C10orf53: variants seen among roughly 807,000 people sequenced by gnomAD.
The protein encoded by C10orf53 is UPF0728 protein C10orf53.
Under a neutral mutation model 9.4 loss-of-function variants are expected in C10orf53, and 8 were observed. That is an observed-to-expected ratio of 0.85 (90% confidence interval 0.50 to 1.53). The LOEUF is 1.53. Among genes scored for constraint, C10orf53 ranks in the 40% most tolerant of loss-of-function variants. The probability of loss-of-function intolerance (pLI) is 0.00; values close to 1 mark genes in which losing one functional copy is unlikely to be tolerated. For synonymous variants in C10orf53, 48 were observed against 46.0 expected, an observed-to-expected ratio of 1.04 and a Z score of -0.18; for missense variants, 117 against 117.8, an observed-to-expected ratio of 0.99 and a Z score of 0.03.
Position 49,679,721 on chromosome 10 carries a change from C to A in C10orf53, c.24C>A (p.Ile8=). MPKNAVV[I]LRYGPYSAAG... Reference sequence around the variant, plus strand: ...CGATGCCCAAGAACGCAGTGGTCATCCTGCGCTATGGGCCCTACAGCGCGG... The same window carrying A: ...CGATGCCCAAGAACGCAGTGGTCATACTGCGCTATGGGCCCTACAGCGCGG... The change falls in exon 1 of 3, where the codon ATC becomes ATA. Residue 8 remains isoleucine (I), a synonymous_variant. Coordinates refer to ENST00000374111, the MANE Select transcript of C10orf53 (RefSeq NM_001042427.3). 1 of 1,548,562 alleles carries A rather than the reference C, an allele frequency of 6.5e-7. No homozygotes were observed. The highest frequency in any genetic ancestry group is 8.7e-7 in the Non-Finnish European group (1 of 1,146,094).
At chr10:49,698,546 C>T (rs1202644935), downstream of C10orf53, among the ~76,000 whole-genome samples, 1 of 152,186 alleles carries the variant, frequency 6.6e-6, no homozygotes, top group Non-Finnish European at 1.5e-5. Flanking sequence ...GAGAACATCT[C>T]AACTGGTGAC....
intron 2 of C10orf53, among the ~76,000 whole-genome samples, chr10:49,706,311 T>C (rs1310515163): frequency 2.0e-5 from 3 of 152,226 alleles, no homozygotes; most frequent in Non-Finnish European, 4.4e-5. Context: ...CATTTATTGA[T>C]AGTAGCCGAA....
At position 49,696,220 on chromosome 10, in the gene C10orf53, T is replaced by C. The variant is rs1840633712; in HGVS notation, c.*1618T>C. 1.3e-5 allele frequency among the ~76,000 whole-genome samples: 2 copies of C among 152,222 alleles called. No individual in the cohort carries two copies. The highest frequency in any genetic ancestry group is 2.1e-4 in the South Asian group (1 of 4,830). ...TGGGCAGGTATGTTGAATCTTTTTTTAAACGTAACATTTTACATAGAGCCT... is the reference window on the plus strand; with the variant it reads ...TGGGCAGGTATGTTGAATCTTTTTTCAAACGTAACATTTTACATAGAGCCT... On this transcript the variant is annotated 3_prime_UTR_variant, in exon 3 of 3. Coordinates refer to ENST00000374111, the MANE Select transcript of C10orf53 (RefSeq NM_001042427.3).
At chr10:49,680,302 G>A (rs1326906221) in intron 1 of C10orf53, among the ~76,000 whole-genome samples, 1 of 152,218 alleles carries the variant, frequency 6.6e-6, no homozygotes, top group Non-Finnish European at 1.5e-5. Flanking sequence ...CTCTGACTGA[G>A]GCTAGGTGGT....
At chr10:49,690,150 G>A (rs1177031461) in intron 1 of C10orf53, among the ~76,000 whole-genome samples, 1 of 152,168 alleles carries the variant, frequency 6.6e-6, no homozygotes, top group East Asian at 1.9e-4. Context: ...ATAGGGGAAG[G>A]GAAGAGTATT....
chr10:49,683,439 A>G (rs970224153), intron 1 of C10orf53, among the ~76,000 whole-genome samples: 5 of 152,184 alleles, frequency 3.3e-5, no homozygotes, highest in Admixed American at 3.3e-4. Flanking sequence ...TTAATAGATA[A>G]ATGATTTGCA....
chr10:49,708,718 CA>C (rs759303276), exon 3 of C10orf53: 2 of 1,511,368 alleles, frequency 1.3e-6, no homozygotes, highest in Non-Finnish European at 1.8e-6. Flanking sequence ...TCCCCCAAAA[CA>C]AAAATTGTCC....
At chr10:49,687,684 C>T (rs747994119) in intron 1 of C10orf53, among the ~76,000 whole-genome samples, 32 of 152,198 alleles carry the variant, frequency 2.1e-4, no homozygotes, top group Non-Finnish European at 3.4e-4. Context: ...GCTCTGCAAG[C>T]GTTAGTTCTT....
chr10:49,690,248 T>C (rs1840570891), intron 1 of C10orf53, among the ~76,000 whole-genome samples: 1 of 152,152 alleles, frequency 6.6e-6, no homozygotes, highest in Non-Finnish European at 1.5e-5. Flanking sequence ...GTAAAGTCAG[T>C]TCTGTGTTTC....
rs1165712985 is a variant in C10orf53 at position 49,697,009 on chromosome 10, A to G, written c.*2407A>G. Among the ~76,000 whole-genome samples the G allele has an allele frequency of 6.6e-6, 1 of 152,270 alleles. No individual in the cohort carries two copies. Among genetic ancestry groups the G allele is most frequent in the South Asian group, 2.1e-4 (1 of 4,814 alleles). On this transcript the variant is annotated 3_prime_UTR_variant, in exon 3 of 3. Transcript: ENST00000374111. ...GGAGTTCGAGAGCAGCCTGGCCAAC[A>G]TGGTGAAGCCTCATCTCTACAAAAA...
At chr10:49,689,671 A>G (rs1840563234) in intron 1 of C10orf53, among the ~76,000 whole-genome samples, 1 of 152,174 alleles carries the variant, frequency 6.6e-6, no homozygotes, top group African/African-American at 2.4e-5. Flanking sequence ...AATCCTACAC[A>G]GCGCTGAAGA....
rs917790072 is a variant in C10orf53, at chr10:49,679,684, G to GC, written c.-13dup. On this transcript the variant is annotated 5_prime_UTR_variant, in exon 1 of 3. Transcript: ENST00000374111. ...GTGTTTCTCCCTTGCCTCTGCGGCGGCGGAGGCCTGGCGATGCCCAAGAAC... is the reference window on the plus strand; with the variant it reads ...GTGTTTCTCCCTTGCCTCTGCGGCGGCCGGAGGCCTGGCGATGCCCAAGAAC... 1.4e-5 allele frequency: 22 copies of GC among 1,545,260 alleles called. No individual in the cohort carries two copies. The highest frequency in any genetic ancestry group is 1.9e-5 in the Non-Finnish European group (22 of 1,144,758).
intron 1 of C10orf53, among the ~76,000 whole-genome samples, chr10:49,689,110 C>T (rs945197174): frequency 1.3e-5 from 2 of 152,092 alleles, no homozygotes; most frequent in Admixed American, 6.5e-5. Context: ...AATCAACCTG[C>T]GTAAAGCCGA....
chr10:49,706,319 G>A (rs928891677), intron 2 of C10orf53, among the ~76,000 whole-genome samples: 23 of 152,328 alleles, frequency 1.5e-4, no homozygotes, highest in South Asian at 4.1e-4. Flanking sequence ...GATAGTAGCC[G>A]AAGTTGGAAA....
At chr10:49,692,277 T>C (rs1192221732) in intron 1 of C10orf53, among the ~76,000 whole-genome samples, 2 of 152,234 alleles carry the variant, frequency 1.3e-5, no homozygotes, top group Non-Finnish European at 2.9e-5. Context: ...TTAGCTGACA[T>C]GGGTCAATTA....
intron 1 of C10orf53, 135 bp from the exon 2 acceptor site, chr10:49,693,639 C>A: frequency 9.0e-7 from 1 of 1,106,074 alleles, no homozygotes. Context: ...CCAGAAAGTG[C>A]CTACCAGGGC....
chr10:49,707,835 C>T (rs1475539939), intron 2 of C10orf53, among the ~76,000 whole-genome samples: 1 of 151,538 alleles, frequency 6.6e-6, no homozygotes. Flanking sequence ...GAAAATGCTT[C>T]TGAGGCATCT....
chr10:49,695,116 T>C lies in C10orf53; in HGVS notation c.*514T>C. ...TATTTCTGACTCCTGAGGGAATAAA[T>C]ATTTTAAATTGCTATTATAAAATTA... On this transcript the variant is annotated 3_prime_UTR_variant, in exon 3 of 3. Transcript: ENST00000374111. The C allele has an allele frequency of 3.9e-6, 1 of 256,652 alleles. No homozygotes were observed. Among genetic ancestry groups the C allele is most frequent in the Non-Finnish European group, 6.1e-6 (1 of 163,568 alleles). The allele number at this position is 256,652 out of a possible 1,614,324, so 15.9% of individuals were successfully genotyped here. A position where few individuals can be genotyped will look rare whatever the true frequency, so the allele number is the denominator to read the frequency against.
intron 1 of C10orf53, among the ~76,000 whole-genome samples, chr10:49,683,374 CT>C (rs933564390): frequency 2.6e-5 from 4 of 151,904 alleles, no homozygotes; most frequent in African/African-American, 9.7e-5. Flanking sequence ...TTGGGTTGCA[CT>C]TTTTTTTGTT....
Sources: gnomAD v4.1 joint callset for allele counts (sites outside exome capture counted in the v4.1 genomes callset) on GRCh38, gnomAD v4.1.1 for gene constraint, MANE v1.5 for transcripts, NCBI Gene and HGNC (gene_info 2026-07-23, HGNC 2026-07-21) for gene names.